DIAPH3: variants seen among roughly 807,000 people sequenced by gnomAD.
DIAPH3 encodes protein diaphanous homolog 3.
In DIAPH3, 117 loss-of-function variants were observed where a neutral mutation model predicts 144.3. The observed-to-expected ratio is 0.81, with a 90% CI of 0.70 to 0.95. The LOEUF (loss-of-function observed/expected upper bound fraction) is 0.95, where lower values mean the gene tolerates loss of function less well. Ranked by LOEUF, DIAPH3 falls within the 40% of genes least tolerant of loss-of-function variation. The pLI is 0.00. For synonymous variants in DIAPH3, 519 were observed against 488.9 expected, an observed-to-expected ratio of 1.06 and a Z score of -0.81; for missense variants, 1,421 against 1,412.7, an observed-to-expected ratio of 1.01 and a Z score of -0.09.
intron 14 of DIAPH3, among the ~76,000 whole-genome samples, chr13:59,976,804 T>A (rs2050702460): frequency 6.6e-6 from 1 of 151,842 alleles, no homozygotes; most frequent in South Asian, 2.1e-4. Flanking sequence ...CTCATCTGAA[T>A]TCCAGACTAC....
chr13:60,156,953 T>A (rs1424621114), intron 1 of DIAPH3, among the ~76,000 whole-genome samples: 4,716 of 72,594 alleles, frequency 0.065, 255 homozygotes, highest in South Asian at 0.15. Flanking sequence ...TTTTTTTTTT[T>A]TTTTTTGAGA....
At chr13:59,910,484 T>G (rs2046940384) in intron 20 of DIAPH3, among the ~76,000 whole-genome samples, 2 of 152,016 alleles carry the variant, frequency 1.3e-5, no homozygotes, top group South Asian at 2.1e-4. Flanking sequence ...TCCCAGAACT[T>G]TGGGAGGCGG....
intron 23 of DIAPH3, among the ~76,000 whole-genome samples, chr13:59,835,587 T>G (rs1274098650): frequency 1.3e-5 from 2 of 151,640 alleles, no homozygotes; most frequent in African/African-American, 4.8e-5. Flanking sequence ...ATGCTAGTTT[T>G]AAAAGTCTGC....
intron 21 of DIAPH3, among the ~76,000 whole-genome samples, chr13:59,870,939 G>A (rs1414361364): frequency 3.9e-5 from 6 of 152,024 alleles, no homozygotes; most frequent in Non-Finnish European, 7.4e-5. Flanking sequence ...CAAAGTGCTT[G>A]GATTACAGGC....
intron 4 of DIAPH3, among the ~76,000 whole-genome samples, chr13:60,076,992 CAATAA>C (rs1429185475): frequency 2.6e-5 from 4 of 151,844 alleles, no homozygotes; most frequent in Non-Finnish European, 4.4e-5. Context: ...CAAAACAAAG[CAATAA>C]AATAGTAACA....
chr13:59,907,427 G>C (rs1468620801), intron 20 of DIAPH3, among the ~76,000 whole-genome samples: 3 of 152,118 alleles, frequency 2.0e-5, no homozygotes, highest in Non-Finnish European at 4.4e-5. Context: ...AGCATTAAAT[G>C]AGAGTTTATT....
chr13:59,970,886 G>C lies in DIAPH3; in HGVS notation c.1925C>G (p.Pro642Arg), dbSNP rs369041383. The change falls in exon 16 of 28, where the codon CCT becomes CGT. Residue 642 changes from proline (P) to arginine (R), a missense_variant. Transcript: ENST00000400324. ...ATTCAATCTTCTCATGCTGATTTCA[G>C]GTTTAAATTCTTTCTTTGGTTTCAA... ...FGLKPKKEFKPEISMRRLNWL... is the reference protein window; with the variant it reads ...FGLKPKKEFKREISMRRLNWL... 290 of 1,613,416 alleles carry C rather than the reference G, an allele frequency of 1.8e-4. No homozygotes were observed. Among genetic ancestry groups the C allele is most frequent in the Non-Finnish European group, 2.4e-4 (284 of 1,179,900 alleles).
chr13:60,068,695 A>G (rs73218511), intron 4 of DIAPH3, among the ~76,000 whole-genome samples: 5,693 of 152,136 alleles, frequency 0.037, 167 homozygotes, highest in East Asian at 0.1. Context: ...TCCCTTCTTC[A>G]TGTCCATGTG....
At chr13:60,069,106 G>A (rs970676882) in intron 4 of DIAPH3, among the ~76,000 whole-genome samples, 7 of 152,142 alleles carry the variant, frequency 4.6e-5, no homozygotes, top group Non-Finnish European at 8.8e-5. Context: ...AACCAACAGT[G>A]TATAAGCATT....
intron 4 of DIAPH3, among the ~76,000 whole-genome samples, chr13:60,078,193 A>G (rs752215216): frequency 2.6e-5 from 4 of 152,100 alleles, no homozygotes; most frequent in Non-Finnish European, 5.9e-5. Context: ...TTTTCCTCCA[A>G]GTGCAACACA....
intron 9 of DIAPH3, among the ~76,000 whole-genome samples, chr13:59,993,608 A>C (rs1221048955): frequency 6.7e-6 from 1 of 150,048 alleles, no homozygotes. Context: ...AAGCATTAAA[A>C]TCTGACCAGC....
rs769230544 is a variant in DIAPH3 at position 60,042,792 on chromosome 13, G to A, written c.524C>T (p.Ser175Leu). ...TGSLKRSRQI[S>L]PQEFIHELKM... is the part of the protein sequence containing the mutation. ...CAGCTCATGAATGAATTCCTGAGGT[G>A]AGATCTGTCGGCTTCTCTTAAGACT... The change falls in exon 5 of 28, where the codon TCA (serine) becomes TTA (leucine). Residue 175 changes from serine to leucine, a missense_variant. Physicochemically the swap from Ser to Leu is moderately radical, Grantham distance 145 (BLOSUM62 -2). Coordinates refer to ENST00000400324, the MANE Select transcript of DIAPH3 (RefSeq NM_001042517.2). 24 of 1,613,650 alleles carry A rather than the reference G, an allele frequency of 1.5e-5. No individual in the cohort carries two copies. Among genetic ancestry groups the A allele is most frequent in the Non-Finnish European group, 2.0e-5 (24 of 1,179,710 alleles).
intron 7 of DIAPH3, 44 bp from the exon 8 acceptor site, chr13:60,010,713 T>G: frequency 1.3e-6 from 2 of 1,581,640 alleles, no homozygotes; most frequent in Non-Finnish European, 1.7e-6. Context: ...AGAAATTAGT[T>G]AGAAAAATAA....
At chr13:59,814,816 CCAGA>C (rs1235792896) in intron 24 of DIAPH3, among the ~76,000 whole-genome samples, 2 of 152,172 alleles carry the variant, frequency 1.3e-5, no homozygotes, top group Non-Finnish European at 2.9e-5. Context: ...GTGTTACTTG[CCAGA>C]CAGAGTTTGG....
chr13:59,749,801 G>C (rs1283737717), intron 27 of DIAPH3, among the ~76,000 whole-genome samples: 1 of 152,032 alleles, frequency 6.6e-6, no homozygotes, highest in Middle Eastern at 3.2e-3. Flanking sequence ...TTTATGGAAT[G>C]GTATCTGTTT....
chr13:59,929,352 C>G (rs542190626), intron 17 of DIAPH3, among the ~76,000 whole-genome samples: 2 of 152,134 alleles, frequency 1.3e-5, no homozygotes, highest in African/African-American at 4.8e-5. Flanking sequence ...AACCATCTTT[C>G]TCAACTGATT....
chr13:59,757,567 A>T (rs1351683608), intron 27 of DIAPH3, among the ~76,000 whole-genome samples: 6 of 151,600 alleles, frequency 4.0e-5, no homozygotes, highest in African/African-American at 1.5e-4. Flanking sequence ...CGCCCGGCTA[A>T]TTTTTTGTAT....
At chr13:59,748,261 C>A (rs1247513131) in intron 27 of DIAPH3, among the ~76,000 whole-genome samples, 1 of 152,206 alleles carries the variant, frequency 6.6e-6, no homozygotes, top group Non-Finnish European at 1.5e-5. Flanking sequence ...GGGAAAAGAA[C>A]TTTGGCAGAG....
At chr13:59,818,683 G>A (rs2040909270) in intron 24 of DIAPH3, among the ~76,000 whole-genome samples, 1 of 151,792 alleles carries the variant, frequency 6.6e-6, no homozygotes, top group South Asian at 2.1e-4. Context: ...GGTAGGCCTT[G>A]TCATCCTGTT....
Sources: allele counts gnomAD v4.1 joint callset (sites outside exome capture counted in the v4.1 genomes callset), GRCh38; gene constraint gnomAD v4.1.1; transcripts MANE v1.5; gene names NCBI Gene and HGNC (gene_info 2026-07-23, HGNC 2026-07-21).